Variants in TSC22D3 observed in about 807,000 individuals in gnomAD.
The protein encoded by TSC22D3 is TSC22 domain family member 3.
TSC22D3 carries 4 observed loss-of-function variants against 11.1 expected under a neutral mutation model. The ratio of observed to expected loss-of-function variants is 0.36; its 90% CI spans 0.18 to 0.83. The LOEUF is 0.83. Ranked by LOEUF, TSC22D3 falls within the 40% of genes least tolerant of loss-of-function variation. The probability of loss-of-function intolerance (pLI) is 0.48; values close to 1 mark genes in which losing one functional copy is unlikely to be tolerated. For synonymous variants in TSC22D3, 77 were observed against 70.3 expected, an observed-to-expected ratio of 1.10 and a Z score of -0.48; for missense variants, 118 against 159.4, an observed-to-expected ratio of 0.74 and a Z score of 1.40.
chrX:107,721,908 T>C (rs1321490691), intron 1 of TSC22D3: 1 of 509,808 alleles, frequency 2.0e-6, no homozygotes, highest in Admixed American at 2.7e-5. Context: ...TGAAATGCCA[T>C]GGTTTAATTT....
intron 1 of TSC22D3, among the ~76,000 whole-genome samples, chrX:107,754,171 G>A (rs1057344272): frequency 1.8e-5 from 2 of 110,447 alleles, no homozygotes; most frequent in African/African-American, 3.3e-5. Flanking sequence ...TTCCCACCTC[G>A]GCCTCTCAAA....
chrX:107,760,314 C>T (rs1929381193), intron 1 of TSC22D3, among the ~76,000 whole-genome samples: 1 of 112,596 alleles, frequency 8.9e-6, no homozygotes, highest in Admixed American at 9.3e-5. Flanking sequence ...CCATTTTTGG[C>T]ATCAGGTGTA....
At position 107,775,455 on chromosome X, in the gene TSC22D3, C is replaced by A; in HGVS notation, c.-36G>T. 2 of 1,122,408 alleles carry A rather than the reference C, an allele frequency of 1.8e-6. No homozygotes were observed. The highest frequency in any genetic ancestry group is 2.1e-5 in the South Asian group (1 of 47,589). 92.5% of individuals were successfully genotyped at this position (1,122,408 alleles called of 1,213,427 possible). On this transcript the variant is annotated 5_prime_UTR_variant, in exon 1 of 3. Transcript: ENST00000372383. ...TCGGAGGTCGCCTGGCCTGCGAGGT[C>A]AGGGGCGGCTGGCAGGTGCGCGCCC...
chrX:107,769,532 G>T (rs753870078), intron 1 of TSC22D3, among the ~76,000 whole-genome samples: 1 of 111,300 alleles, frequency 9.0e-6, no homozygotes, highest in South Asian at 3.7e-4. Flanking sequence ...CAGAGTTTTT[G>T]TTTGGGATGA....
At chrX:107,766,473 C>T (rs1445784054) in intron 1 of TSC22D3, among the ~76,000 whole-genome samples, 3 of 92,492 alleles carry the variant, frequency 3.2e-5, no homozygotes, top group Non-Finnish European at 6.5e-5. Flanking sequence ...AACAACTCCC[C>T]CCACCCCAAC....
At chrX:107,723,688 C>CCT (rs1369881368) in intron 1 of TSC22D3, among the ~76,000 whole-genome samples, 1 of 113,020 alleles carries the variant, frequency 8.8e-6, no homozygotes, top group African/African-American at 3.2e-5. Flanking sequence ...ACTGGCAAGG[C>CCT]CTCTCTCCAT....
chrX:107,770,160 C>T (rs766094239), intron 1 of TSC22D3, among the ~76,000 whole-genome samples: 1 of 112,148 alleles, frequency 8.9e-6, no homozygotes, highest in South Asian at 3.7e-4. Flanking sequence ...GTTGACAATG[C>T]GTTGCAATCT....
chrX:107,767,337 A>G (rs897550895), intron 1 of TSC22D3, among the ~76,000 whole-genome samples: 8 of 111,346 alleles, frequency 7.2e-5, no homozygotes, highest in Non-Finnish European at 1.5e-4. Flanking sequence ...GCCAATGGTG[A>G]GCCTGGATCA....
At chrX:107,740,216 G>C (rs914773915) in intron 1 of TSC22D3, among the ~76,000 whole-genome samples, 3 of 111,782 alleles carry the variant, frequency 2.7e-5, no homozygotes, top group Admixed American at 9.5e-5. Flanking sequence ...AGCTCATTAC[G>C]CTTCAGGGCC....
chrX:107,751,989 C>A (rs1001828442), intron 1 of TSC22D3, among the ~76,000 whole-genome samples: 2 of 112,488 alleles, frequency 1.8e-5, no homozygotes, highest in Non-Finnish European at 3.8e-5. Context: ...GTTTACACCT[C>A]AGCTGGATTC....
At chrX:107,719,020 G>A (rs974824556) in intron 1 of TSC22D3, among the ~76,000 whole-genome samples, 2 of 111,734 alleles carry the variant, frequency 1.8e-5, no homozygotes, top group Non-Finnish European at 3.8e-5. Context: ...AGTTTTCTTG[G>A]TTCAGAAAGT....
At chrX:107,772,855 AAAAAATAAATAAAT>A (rs1277991032) in intron 1 of TSC22D3, among the ~76,000 whole-genome samples, 2 of 111,471 alleles carry the variant, frequency 1.8e-5, no homozygotes, top group Non-Finnish European at 3.8e-5. Context: ...TGTCTCAGGA[AAAAAATAAATAAAT>A]AAAAATAAAT....
chrX:107,718,112 G>A lies in TSC22D3; in HGVS notation c.321-2162C>T, dbSNP rs1244217103. ...CTCCAAACCATAAACAAGATGAGGT[G>A]ATTGTTCCATAATAAAAGTTACACG... On this transcript the variant is annotated intron_variant, in intron 1 of 2. Coordinates refer to ENST00000372383, the MANE Select transcript of TSC22D3 (RefSeq NM_198057.3). 2.7e-5 allele frequency among the ~76,000 whole-genome samples: 3 copies of A among 111,675 alleles called. No homozygotes were observed. In the Admixed American group the frequency reaches 2.8e-4, roughly 11 times the overall value.
chrX:107,723,188 T>C (rs1226719491), intron 1 of TSC22D3, among the ~76,000 whole-genome samples: 1 of 111,315 alleles, frequency 9.0e-6, no homozygotes, highest in Non-Finnish European at 1.9e-5. Context: ...GATAGGATAA[T>C]GCAGCAGCAC....
At chrX:107,758,258 A>T (rs1929266428) in intron 1 of TSC22D3, among the ~76,000 whole-genome samples, 1 of 99,728 alleles carries the variant, frequency 1.0e-5, no homozygotes, top group Non-Finnish European at 2.1e-5. Context: ...ACTGGTGGTT[A>T]TGTGGTTGGC....
chrX:107,737,996 C>T (rs1335272299), intron 1 of TSC22D3, among the ~76,000 whole-genome samples: 1 of 112,105 alleles, frequency 8.9e-6, no homozygotes, highest in Non-Finnish European at 1.9e-5. Flanking sequence ...ACTCCTACGA[C>T]CAGGAACAAA....
rs192255005 is a variant in TSC22D3, at chrX:107,731,457, C to A, written c.321-15507G>T. On this transcript the variant is annotated intron_variant, in intron 1 of 2. Coordinates refer to ENST00000372383, the MANE Select transcript of TSC22D3 (RefSeq NM_198057.3). ...TTGTAAAATGAGAGGGTTGAGGCTG[C>A]AAAATTATATTTATTTAGGTGCTTT... is the stretch of plus-strand genomic sequence containing the variant. 9.0e-5 allele frequency among the ~76,000 whole-genome samples: 10 copies of A among 111,692 alleles called. No individual in the cohort carries two copies. In the East Asian group the frequency reaches 2.8e-3, roughly 31 times the overall value.
intron 1 of TSC22D3, among the ~76,000 whole-genome samples, chrX:107,731,421 A>T (rs1031943777): frequency 1.3e-4 from 14 of 111,693 alleles, no homozygotes; most frequent in Middle Eastern, 4.6e-3. Context: ...TTCTGGGCCC[A>T]TTTCCCCTAA....
At chrX:107,749,027 A>G (rs921501058) in intron 1 of TSC22D3, among the ~76,000 whole-genome samples, 2 of 111,503 alleles carry the variant, frequency 1.8e-5, no homozygotes, top group Admixed American at 9.5e-5. Flanking sequence ...GCAGAGCCAG[A>G]GGGAAGAGGA....
Sources: allele counts gnomAD v4.1 joint callset (sites outside exome capture counted in the v4.1 genomes callset), GRCh38; gene constraint gnomAD v4.1.1; transcripts MANE v1.5; gene names NCBI Gene and HGNC (gene_info 2026-07-23, HGNC 2026-07-21).